Variants in GALNT14 observed in about 807,000 individuals in gnomAD.
GALNT14 encodes the protein polypeptide N-acetylgalactosaminyltransferase 14, also known as UDP-GalNAc:polypeptide N-acetylgalactosaminyltransferase 14.
A neutral mutation model predicts 77.5 loss-of-function variants in GALNT14; 60 were observed. The observed-to-expected ratio is 0.77, with a 90% CI of 0.63 to 0.96. GALNT14 has a LOEUF of 0.96. Ranked by LOEUF, GALNT14 falls within the 40% of genes least tolerant of loss-of-function variation. The pLI is 0.00. For synonymous variants in GALNT14, 280 were observed against 281.7 expected (o/e 0.99, Z 0.06); for missense variants, 710 against 731.0 (o/e 0.97, Z 0.33).
rs888508457 is a variant in GALNT14 at position 31,014,815 on chromosome 2, A to G, written c.130-21808T>C. ...GAGTGCAAAGTTCTGTGTGGGTTGT[A>G]CCCTTACACCAGTCTTTCCTGCCAT... On this transcript the variant is annotated intron_variant, in intron 1 of 14. Coordinates refer to ENST00000349752, the MANE Select transcript of GALNT14 (RefSeq NM_024572.4). 1.5e-4 allele frequency among the ~76,000 whole-genome samples: 23 copies of G among 152,116 alleles called. 1 individual carries two copies. The highest frequency in any genetic ancestry group is 3.1e-4 in the Non-Finnish European group (21 of 68,004).
intron 1 of GALNT14, among the ~76,000 whole-genome samples, chr2:31,070,745 G>C (rs1176413230): frequency 6.6e-6 from 1 of 152,216 alleles, no homozygotes; most frequent in Non-Finnish European, 1.5e-5. Context: ...CATTGCATTG[G>C]TGGGATGATC....
intron 2 of GALNT14, among the ~76,000 whole-genome samples, chr2:30,979,300 A>G (rs901111058): frequency 4.6e-5 from 7 of 152,152 alleles, no homozygotes; most frequent in African/African-American, 1.7e-4. Context: ...GTGGGGGGAG[A>G]GCAGGATGAT....
intron 9 of GALNT14, among the ~76,000 whole-genome samples, 196 bp downstream of exon 9, chr2:30,942,005 C>T (rs1188524403): frequency 6.6e-6 from 1 of 152,150 alleles, no homozygotes; most frequent in East Asian, 1.9e-4. Context: ...TTATTATCAA[C>T]ACCCTCCAAC....
chr2:31,028,489 C>G (rs1179304376), intron 1 of GALNT14, among the ~76,000 whole-genome samples: 1 of 152,242 alleles, frequency 6.6e-6, no homozygotes, highest in Non-Finnish European at 1.5e-5. Context: ...TGCCCTCCAC[C>G]AGGTCCGGTT....
chr2:31,033,814 C>T (rs1672556219), intron 1 of GALNT14, among the ~76,000 whole-genome samples: 1 of 152,220 alleles, frequency 6.6e-6, no homozygotes, highest in South Asian at 2.1e-4. Context: ...GAACGCCCTC[C>T]CATGTTTTCA....
Position 31,038,101 on chromosome 2 carries a change from T to A in GALNT14, c.130-45094A>T, listed in dbSNP as rs1194484186. ...ATATATATATTTTTTTTTTTTTTTT[T>A]TTTTTTTTTTTTAGATGGAGTCTTG... On this transcript the variant is annotated intron_variant, in intron 1 of 14. Transcript: ENST00000349752. Among the ~76,000 whole-genome samples the A allele has an allele frequency of 6.6e-5, 8 of 122,026 alleles. No homozygotes were observed. The East Asian group carries it at 9.4e-4, about 14-fold the overall frequency. The allele number at this position is 122,026 out of a possible 152,430, so 80.1% of individuals were successfully genotyped here. A position where few individuals can be genotyped will look rare whatever the true frequency, so the allele number is the denominator to read the frequency against.
chr2:30,938,609 C>G (rs1338827319), intron 9 of GALNT14, among the ~76,000 whole-genome samples: 1 of 152,212 alleles, frequency 6.6e-6, no homozygotes, highest in Non-Finnish European at 1.5e-5. Flanking sequence ...ATGATCAAAA[C>G]TATTCAGCTC....
At chr2:31,027,917 T>TGTGTGTGTGTGTGTGTGC (rs1303110300) in intron 1 of GALNT14, among the ~76,000 whole-genome samples, 5 of 150,524 alleles carry the variant, frequency 3.3e-5, no homozygotes, top group African/African-American at 1.2e-4. Context: ...TGTGTGTGTG[T>TGTGTGTGTGTGTGTGTGC]GCACGCATGC....
At position 31,138,175 on chromosome 2, in the gene GALNT14, C is replaced by A; in HGVS notation, c.-89G>T. On this transcript the variant is annotated 5_prime_UTR_variant, in exon 1 of 15. Transcript: ENST00000349752. The stretch of plus-strand genomic sequence containing the variant: ...TTGGCGGGGCAGGAGTCCTGGCGAG[C>A]GCCTCGCTCTGGGGAGCTCTAGACC... 6.4e-7 allele frequency: 1 copy of A among 1,556,430 alleles called. No individual in the cohort carries two copies. The highest frequency in any genetic ancestry group is 8.8e-7 in the Non-Finnish European group (1 of 1,135,284).
chr2:30,936,589 A>G (rs1483875282), intron 9 of GALNT14, among the ~76,000 whole-genome samples: 2 of 152,182 alleles, frequency 1.3e-5, no homozygotes, highest in African/African-American at 4.8e-5. Context: ...ATAAGTCCAC[A>G]CATATTTATG....
At position 31,101,538 on chromosome 2, in the gene GALNT14, G is replaced by A. The variant is rs541220873; in HGVS notation, c.129+36420C>T. Among the ~76,000 whole-genome samples the A allele has an allele frequency of 2.0e-5, 3 of 151,630 alleles. No individual in the cohort carries two copies. In the South Asian group the frequency reaches 6.3e-4, roughly 32 times the overall value. On this transcript the variant is annotated intron_variant, in intron 1 of 14. Transcript: ENST00000349752. ...TTTGGATTCCTTTCTGGGCCCATTT[G>A]GGTAATTTTTATTTTCTTGAAAAAA...
chr2:30,991,690 TTCA>T (rs1669715608), intron 2 of GALNT14, among the ~76,000 whole-genome samples: 1 of 152,174 alleles, frequency 6.6e-6, no homozygotes, highest in African/African-American at 2.4e-5. Context: ...AAACCAATAC[TTCA>T]GCTGCTTTTG....
At chr2:31,095,042 A>G (rs1023463109) in intron 1 of GALNT14, among the ~76,000 whole-genome samples, 9 of 152,218 alleles carry the variant, frequency 5.9e-5, no homozygotes, top group Non-Finnish European at 1.3e-4. Context: ...AACATATTCT[A>G]GCTGAGCACT....
rs79613909 is a variant in GALNT14 at position 31,053,124 on chromosome 2, C to T, written c.130-60117G>A. Among the ~76,000 whole-genome samples, 48 of 152,284 alleles carry T rather than the reference C, an allele frequency of 3.2e-4. No individual in the cohort carries two copies. The East Asian group carries it at 7.5e-3, about 24-fold the overall frequency. ...CCCAAACAGCTCACTTGCCCCCAAG[C>T]CCTAGTCTTGGGTGGCATTTTTTGG... On this transcript the variant is annotated intron_variant, in intron 1 of 14. Coordinates refer to ENST00000349752, the MANE Select transcript of GALNT14 (RefSeq NM_024572.4).
At chr2:30,983,736 T>C (rs1178172953) in intron 2 of GALNT14, among the ~76,000 whole-genome samples, 2 of 151,798 alleles carry the variant, frequency 1.3e-5, no homozygotes, top group African/African-American at 4.9e-5. Flanking sequence ...AAACCCAGAA[T>C]CCTCATCTAT....
At chr2:31,048,127 G>A (rs916259788) in intron 1 of GALNT14, among the ~76,000 whole-genome samples, 2 of 152,238 alleles carry the variant, frequency 1.3e-5, no homozygotes, top group East Asian at 1.9e-4. Context: ...GGCCAGACCC[G>A]AAGGCCATGA....
At chr2:30,924,085 C>T in intron 13 of GALNT14, 34 bp downstream of exon 13, 2 of 1,613,718 alleles carry the variant, frequency 1.2e-6, no homozygotes, top group Non-Finnish European at 1.7e-6. Flanking sequence ...TCTACTGTGA[C>T]ACATGGTCCT....
rs78437629 is a variant in GALNT14, at chr2:31,056,281, C to T, written c.130-63274G>A. Among the ~76,000 whole-genome samples the T allele has an allele frequency of 2.4e-4, 36 of 152,318 alleles. 1 individual carries two copies. In the East Asian group the frequency reaches 6.6e-3, roughly 28 times the overall value. Reference sequence around the variant, plus strand: ...TTGAAGGTGATCATCTTCTGGTTTACCATTGTCCGTTTGGTAGGTTCGGGC... The same window carrying T: ...TTGAAGGTGATCATCTTCTGGTTTATCATTGTCCGTTTGGTAGGTTCGGGC... On this transcript the variant is annotated intron_variant, in intron 1 of 14. Coordinates refer to ENST00000349752, the MANE Select transcript of GALNT14 (RefSeq NM_024572.4).
In GALNT14 at chr2:30,985,150, G is replaced by A. The variant is rs78694663; in HGVS notation, c.299+7688C>T. On this transcript the variant is annotated intron_variant, in intron 2 of 14. Coordinates refer to ENST00000349752, the MANE Select transcript of GALNT14 (RefSeq NM_024572.4). ...AGTAAAGGAATGAGCAAATGAGTGAGTGAATGAATGAATGAATGAATGAAA... is the reference window on the plus strand; with the variant it reads ...AGTAAAGGAATGAGCAAATGAGTGAATGAATGAATGAATGAATGAATGAAA... Among the ~76,000 whole-genome samples, 692 of 151,304 alleles carry A rather than the reference G, an allele frequency of 4.6e-3. 7 individuals are homozygous for A. Among genetic ancestry groups the A allele is most frequent in the African/African-American group, 0.016 (648 of 41,184 alleles).
Sources: allele counts gnomAD v4.1 joint callset (sites outside exome capture counted in the v4.1 genomes callset), GRCh38; gene constraint gnomAD v4.1.1; transcripts MANE v1.5; gene names NCBI Gene and HGNC (gene_info 2026-07-23, HGNC 2026-07-21).